The following CCDC148 variants were observed in gnomAD, a reference collection of about 807,000 sequenced individuals.
CCDC148 encodes coiled-coil domain containing 148.
CCDC148 carries 89 observed loss-of-function variants against 85.7 expected under a neutral mutation model. The observed-to-expected ratio is 1.04, with a 90% CI of 0.87 to 1.24. The LOEUF (loss-of-function observed/expected upper bound fraction) is 1.24. Ranked by LOEUF, CCDC148 falls within the 50% of genes most tolerant of loss-of-function variation. The pLI, the probability that CCDC148 is intolerant of heterozygous loss-of-function variation, is 0.00. For missense variants in CCDC148, 692 were observed against 671.7 expected (o/e 1.03, Z -0.33); for synonymous variants, 230 against 213.9 (o/e 1.08, Z -0.66).
chr2:158,353,979 T>G (rs1334329901), intron 2 of CCDC148, among the ~76,000 whole-genome samples: 3 of 152,156 alleles, frequency 2.0e-5, no homozygotes, highest in African/African-American at 2.4e-5. Flanking sequence ...GAATGACCAC[T>G]GGGTACATAA....
intron 11 of CCDC148, among the ~76,000 whole-genome samples, chr2:158,214,472 G>A (rs186298609): frequency 7.9e-5 from 12 of 152,236 alleles, no homozygotes; most frequent in African/African-American, 1.9e-4. Context: ...AACTATAGTC[G>A]AGTGAATTGA....
intron 10 of CCDC148, among the ~76,000 whole-genome samples, chr2:158,225,987 A>C (rs1687495133): frequency 6.6e-6 from 1 of 152,232 alleles, no homozygotes; most frequent in Non-Finnish European, 1.5e-5. Context: ...GAGACACAAA[A>C]ACCCTTCAAA....
intron 9 of CCDC148, among the ~76,000 whole-genome samples, chr2:158,289,542 T>C (rs1373596747): frequency 1.3e-5 from 2 of 152,176 alleles, no homozygotes; most frequent in East Asian, 3.9e-4. Context: ...CACAATACAT[T>C]TTTAAAACCA....
At chr2:158,173,449 G>A (rs1193372706) in intron 13 of CCDC148, among the ~76,000 whole-genome samples, 1 of 152,076 alleles carries the variant, frequency 6.6e-6, no homozygotes, top group Non-Finnish European at 1.5e-5. Context: ...AGTTGCATAG[G>A]AAGATGGGTC....
At chr2:158,338,194 T>A (rs1682486503) in intron 7 of CCDC148, among the ~76,000 whole-genome samples, 1 of 152,148 alleles carries the variant, frequency 6.6e-6, no homozygotes, top group South Asian at 2.1e-4. Flanking sequence ...GAATTTTAAA[T>A]CGCTGAACAT....
intron 7 of CCDC148, among the ~76,000 whole-genome samples, chr2:158,324,351 C>G (rs1692664911): frequency 6.6e-6 from 1 of 152,070 alleles, no homozygotes; most frequent in Admixed American, 6.5e-5. Flanking sequence ...TTGTGGCCTG[C>G]TTTTTAATTA....
At chr2:158,309,142 T>C (rs898618478) in intron 9 of CCDC148, among the ~76,000 whole-genome samples, 6 of 152,222 alleles carry the variant, frequency 3.9e-5, no homozygotes, top group African/African-American at 1.4e-4. Flanking sequence ...CATTTTTGTC[T>C]AGCACCTCAG....
rs541085704 is a variant in CCDC148 at position 158,431,114 on chromosome 2, T to C, written c.25+25301A>G. 4.4e-4 allele frequency among the ~76,000 whole-genome samples: 66 copies of C among 151,232 alleles called. 1 individual carries two copies. Among genetic ancestry groups the C allele is most frequent in the African/African-American group, 1.6e-3 (65 of 41,252 alleles). ...ATAATACCAAGAATACTAATATACA[T>C]GTAAGTGGAATGCTAGAAGAAAGGA... On this transcript the variant is annotated intron_variant, in intron 1 of 13. Transcript: ENST00000283233.
chr2:158,431,001 C>T (rs1169660034), intron 1 of CCDC148, among the ~76,000 whole-genome samples: 1 of 151,176 alleles, frequency 6.6e-6, no homozygotes, highest in Non-Finnish European at 1.5e-5. Flanking sequence ...AATCAATGAA[C>T]TTAAAGACAC....
chr2:158,358,327 T>C, intron 2 of CCDC148, 122 bp downstream of exon 2: 1 of 1,176,622 alleles, frequency 8.5e-7, no homozygotes, highest in Non-Finnish European at 1.2e-6. Context: ...CACTATTATT[T>C]CTACTTGGGA....
In CCDC148 at chr2:158,265,742, C is replaced by T. The variant is rs886253436; in HGVS notation, c.1111-14830G>A. ...GCTCCCAAATCCTTGGCTCCAGATC[C>T]AATTATTCAGCTCTCTGTTGGGTAG... On this transcript the variant is annotated intron_variant, in intron 9 of 13. Coordinates refer to ENST00000283233, the MANE Select transcript of CCDC148 (RefSeq NM_138803.4). 2.6e-5 allele frequency among the ~76,000 whole-genome samples: 4 copies of T among 152,096 alleles called. No homozygotes were observed. In the East Asian group the frequency reaches 7.7e-4, roughly 29 times the overall value.
chr2:158,275,354 G>T lies in CCDC148; in HGVS notation c.1111-24442C>A, dbSNP rs575472603. On this transcript the variant is annotated intron_variant, in intron 9 of 13. Transcript: ENST00000283233. ...TGTCAAAGTATTTTGCAAAATTAAGGAAGAGAACTAATTGTGATTGTTATA... is the reference window on the plus strand; with the variant it reads ...TGTCAAAGTATTTTGCAAAATTAAGTAAGAGAACTAATTGTGATTGTTATA... Among the ~76,000 whole-genome samples, 92 of 152,158 alleles carry T rather than the reference G, an allele frequency of 6.0e-4. 1 individual carries two copies. Among genetic ancestry groups the T allele is most frequent in the African/African-American group, 2.1e-3 (87 of 41,458 alleles).
rs550670304 is a variant in CCDC148, at chr2:158,295,461, C to T, written c.1110+13972G>A. On this transcript the variant is annotated intron_variant, in intron 9 of 13. Transcript: ENST00000283233. ...GACCAATATCCTTGATGAACACTGA[C>T]GCGAAAATCCTCAATAAAATACTGG... is the stretch of plus-strand genomic sequence containing the variant. Among the ~76,000 whole-genome samples the T allele has an allele frequency of 3.5e-3, 528 of 151,906 alleles. 4 individuals carry two copies. The highest frequency in any genetic ancestry group is 0.012 in the African/African-American group (488 of 41,378).
chr2:158,200,556 T>C (rs1051342607), intron 11 of CCDC148, among the ~76,000 whole-genome samples: 2 of 152,220 alleles, frequency 1.3e-5, no homozygotes, highest in African/African-American at 2.4e-5. Context: ...AACATAATTA[T>C]GTTCTAACTC....
At chr2:158,363,657 C>A (rs1358242744) in intron 1 of CCDC148, among the ~76,000 whole-genome samples, 2 of 152,140 alleles carry the variant, frequency 1.3e-5, no homozygotes, top group Admixed American at 1.3e-4. Context: ...ATTGATGGAA[C>A]ATATCTCAAA....
intron 10 of CCDC148, among the ~76,000 whole-genome samples, chr2:158,249,268 C>T (rs1383233628): frequency 5.9e-5 from 9 of 152,220 alleles, no homozygotes; most frequent in South Asian, 2.1e-4. Flanking sequence ...TTTGTGGTCA[C>T]GCTAATTCAC....
chr2:158,186,043 T>G (rs2105268075), intron 11 of CCDC148, among the ~76,000 whole-genome samples: 1 of 152,192 alleles, frequency 6.6e-6, no homozygotes, highest in African/African-American at 2.4e-5. Context: ...GTGCCACTAC[T>G]TTTATTGCAA....
intron 1 of CCDC148, among the ~76,000 whole-genome samples, chr2:158,405,170 C>T (rs1385063508): frequency 6.6e-6 from 1 of 152,030 alleles, no homozygotes; most frequent in Non-Finnish European, 1.5e-5. Context: ...CCAGGAGGAA[C>T]AGGGGAACAG....
chr2:158,214,299 A>G (rs1392306916), intron 11 of CCDC148, among the ~76,000 whole-genome samples: 1 of 152,148 alleles, frequency 6.6e-6, no homozygotes, highest in African/African-American at 2.4e-5. Flanking sequence ...GCCCATCACA[A>G]GACAATCAAT....
Sources: allele counts gnomAD v4.1 joint callset (sites outside exome capture counted in the v4.1 genomes callset), GRCh38; gene constraint gnomAD v4.1.1; transcripts MANE v1.5; gene names NCBI Gene and HGNC (gene_info 2026-07-23, HGNC 2026-07-21).